Variants in SLC41A1 observed in about 807,000 individuals in gnomAD.
SLC41A1 encodes the protein solute carrier family 41 (magnesium transporter), member 1.
In SLC41A1, 20 loss-of-function variants were observed where a neutral mutation model predicts 47.3. The ratio of observed to expected loss-of-function variants is 0.42; its 90% CI spans 0.30 to 0.61. The LOEUF is 0.61. SLC41A1 is among the 20% of genes least tolerant of loss of function. SLC41A1 has a pLI of 0.17. For synonymous variants in SLC41A1, 282 were observed against 272.7 expected (o/e 1.03, Z -0.34); for missense variants, 504 against 674.1 (o/e 0.75, Z 2.79).
intron 2 of SLC41A1, among the ~76,000 whole-genome samples, chr1:205,802,826 T>C (rs1655921795): frequency 1.3e-5 from 2 of 152,040 alleles, no homozygotes; most frequent in Non-Finnish European, 1.5e-5. Flanking sequence ...TCACACTCAT[T>C]AGGATGGTTA....
In SLC41A1 at chr1:205,794,872, G is replaced by A. The variant is rs1459086661; in HGVS notation, c.1354C>T (p.Gln452Ter). The A allele has an allele frequency of 6.2e-7, 1 of 1,613,858 alleles. No homozygotes were observed. Among genetic ancestry groups the A allele is most frequent in the Non-Finnish European group, 8.5e-7 (1 of 1,179,970 alleles). ...CCCCTGCTCCTGCCACTTTGTACCTGGAGCAGTGCAGCTGTCATATAGAAG... is the reference window on the plus strand; with the variant it reads ...CCCCTGCTCCTGCCACTTTGTACCTAGAGCAGTGCAGCTGTCATATAGAAG... ...IIFYMTAALL[Q>*]VLILLYIADW... The change falls in exon 10 of 11, where the codon CAG (glutamine) becomes TAG (stop). Residue 452 changes from glutamine to a stop codon, truncating the protein, a stop_gained and splice_region_variant. Transcript: ENST00000367137. LOFTEE classifies it high-confidence loss of function.
chr1:205,810,327 A>C lies in SLC41A1; in HGVS notation c.115T>G (p.Phe39Val), dbSNP rs750063790. Residue 39 changes from phenylalanine (F) to valine (V), a missense_variant, in exon 2 of 11, where the codon TTC becomes GTC. By Grantham distance (50) the Phe-to-Val change is conservative. Transcript: ENST00000367137. The surrounding 1 kb of genome is among the most constrained non-coding windows in gnomAD (Gnocchi z 5.5). ...GREPLAGTSE[F>V]LGPDGAGVEV... ...ACCCCAGCCCCATCAGGCCCCAGGA[A>C]CTCTGAGGTCCCAGCCAAGGGCTCT... 1.2e-6 allele frequency: 2 copies of C among 1,614,036 alleles called. No homozygotes were observed. The highest frequency in any genetic ancestry group is 2.2e-5 in the South Asian group (2 of 91,056).
At chr1:205,802,320 C>T (rs1235802328) in intron 2 of SLC41A1, among the ~76,000 whole-genome samples, 1 of 152,174 alleles carries the variant, frequency 6.6e-6, no homozygotes, top group Non-Finnish European at 1.5e-5. Context: ...GGCTGGACAC[C>T]TTAGACAAGT....
chr1:205,796,328 G>C (rs1267973056), intron 8 of SLC41A1: 1 of 168,178 alleles, frequency 5.9e-6, no homozygotes, highest in East Asian at 1.7e-4. Context: ...CAAAACTCAT[G>C]TTGTGGCTTG....
chr1:205,803,867 C>T (rs1021688579), intron 2 of SLC41A1, among the ~76,000 whole-genome samples: 20 of 152,044 alleles, frequency 1.3e-4, no homozygotes, highest in Non-Finnish European at 2.5e-4. Flanking sequence ...AGGATCCTCT[C>T]GCCTCGACCT....
At chr1:205,796,222 T>C (rs1279515819) in intron 8 of SLC41A1, 2 of 159,002 alleles carry the variant, frequency 1.3e-5, no homozygotes, top group Non-Finnish European at 2.8e-5. Context: ...CTTTTCAGCA[T>C]TGGCTTCCCC....
chr1:205,799,200 G>T, intron 4 of SLC41A1, 99 bp from the exon 5 acceptor site: 1 of 1,514,612 alleles, frequency 6.6e-7, no homozygotes, highest in Non-Finnish European at 9.0e-7. Flanking sequence ...GCTGGCAGTA[G>T]CCCCAGGAGG....
intron 1 of SLC41A1, among the ~76,000 whole-genome samples, chr1:205,812,274 T>C (rs2102513807): frequency 6.6e-6 from 1 of 152,172 alleles, no homozygotes; most frequent in East Asian, 1.9e-4. Flanking sequence ...GGAAAGGAGG[T>C]ATCAAACCCC....
chr1:205,794,159 C>CACAT (rs34271133), intron 10 of SLC41A1, among the ~76,000 whole-genome samples: 4 of 151,764 alleles, frequency 2.6e-5, no homozygotes, highest in Non-Finnish European at 4.4e-5. Context: ...CACACACACA[C>CACAT]GAGTGCATGT....
intron 7 of SLC41A1, among the ~76,000 whole-genome samples, 198 bp downstream of exon 7, chr1:205,797,706 T>C (rs1655781260): frequency 6.6e-6 from 1 of 152,208 alleles, no homozygotes; most frequent in Admixed American, 6.5e-5. Flanking sequence ...TTTTTGGTTC[T>C]CCAGGCCAAT....
chr1:205,802,778 T>A (rs1480062654), intron 2 of SLC41A1, among the ~76,000 whole-genome samples: 1 of 131,230 alleles, frequency 7.6e-6, no homozygotes, highest in Non-Finnish European at 1.5e-5. Flanking sequence ...ATAGATAAAA[T>A]AAAGTTGAGC....
chr1:205,794,777 G>A (rs1655704552), intron 10 of SLC41A1, 93 bp downstream of exon 10: 2 of 1,525,786 alleles, frequency 1.3e-6, no homozygotes, highest in Non-Finnish European at 1.8e-6. Flanking sequence ...GAAAGAGGAG[G>A]TTGAGTGTCT....
rs1214231803 is a variant in SLC41A1, at chr1:205,796,823, T to C, written c.1072+101A>G. ...CCATCTGAGCTAGATTCTCGTCTGC[T>C]GGAACCCTGACTGATACAGAAACCA... On this transcript the variant is annotated intron_variant, in intron 8 of 10. Transcript: ENST00000367137. The C allele has an allele frequency of 2.5e-6, 3 of 1,187,368 alleles. No homozygotes were observed. The African/African-American group carries it at 4.5e-5, about 18-fold the overall frequency. The allele number at this position is 1,187,368 out of a possible 1,614,324, so 73.6% of individuals were successfully genotyped here. A position where few individuals can be genotyped will look rare whatever the true frequency, so the allele number is the denominator to read the frequency against.
At chr1:205,807,306 G>C (rs572587656) in intron 2 of SLC41A1, among the ~76,000 whole-genome samples, 1 of 152,254 alleles carries the variant, frequency 6.6e-6, no homozygotes, top group South Asian at 2.1e-4. Flanking sequence ...GGAAGGCTGG[G>C]GGAGGAGGAC....
intron 1 of SLC41A1, among the ~76,000 whole-genome samples, chr1:205,812,376 C>T (rs1656177663): frequency 6.6e-6 from 1 of 152,204 alleles, no homozygotes; most frequent in Non-Finnish European, 1.5e-5. Context: ...TACTGTGGTT[C>T]TTTCAAACTC....
At chr1:205,798,118 A>G in intron 6 of SLC41A1, 67 bp from the exon 7 acceptor site, 1 of 1,608,116 alleles carries the variant, frequency 6.2e-7, no homozygotes, top group South Asian at 1.1e-5. Flanking sequence ...TCCCTGGCTC[A>G]GCCTGAAAAT....
intron 10 of SLC41A1, 140 bp downstream of exon 10, chr1:205,794,730 A>C (rs1269589627): frequency 2.5e-5 from 28 of 1,131,438 alleles, no homozygotes; most frequent in Admixed American, 4.0e-5. Context: ...GTTCTCCTGC[A>C]CCCTTGTCTG....
At chr1:205,794,780 G>T in intron 10 of SLC41A1, 90 bp downstream of exon 10, 1 of 1,534,962 alleles carries the variant, frequency 6.5e-7, no homozygotes, top group Non-Finnish European at 8.9e-7. Flanking sequence ...AGAGGAGGTT[G>T]AGTGTCTAAG....
At chr1:205,807,819 ACTAT>A (rs1389853301) in intron 2 of SLC41A1, among the ~76,000 whole-genome samples, 1 of 142,084 alleles carries the variant, frequency 7.0e-6, no homozygotes, top group Admixed American at 6.8e-5. Flanking sequence ...ACCATGCCTG[ACTAT>A]TTTTTTTTTT....
Sources: allele counts gnomAD v4.1 joint callset (sites outside exome capture counted in the v4.1 genomes callset), GRCh38; gene constraint gnomAD v4.1.1; non-coding constraint Gnocchi (gnomAD v3.1); transcripts MANE v1.5; gene names NCBI Gene and HGNC (gene_info 2026-07-23, HGNC 2026-07-21).